RBFOX1: variants seen among roughly 807,000 people sequenced by gnomAD.
RBFOX1 encodes the protein RNA binding protein fox-1 homolog 1.
In RBFOX1, 8 loss-of-function variants were observed where a neutral mutation model predicts 57.7. The ratio of observed to expected loss-of-function variants is 0.14; its 90% confidence interval spans 0.08 to 0.25. RBFOX1 has a LOEUF of 0.25. RBFOX1 is among the 10% of genes least tolerant of loss of function. The pLI is 1.00. For synonymous variants in RBFOX1, 326 were observed against 222.4 expected, an observed-to-expected ratio of 1.47 and a Z score of -4.15; for missense variants, 611 against 548.5, an observed-to-expected ratio of 1.11 and a Z score of -1.14.
chr16:7,211,318 G>T (rs2091089187), intron 4 of RBFOX1, among the ~76,000 whole-genome samples: 1 of 151,200 alleles, frequency 6.6e-6, no homozygotes, highest in South Asian at 2.1e-4. Context: ...TGTGAACCTG[G>T]GAGGCGGAGC....
At chr16:6,009,433 A>G (rs2094946871) in intron 4 of RBFOX1, among the ~76,000 whole-genome samples, 1 of 152,142 alleles carries the variant, frequency 6.6e-6, no homozygotes, top group African/African-American at 2.4e-5. Flanking sequence ...ATTTTTCCTA[A>G]TACATTACAT....
chr16:7,220,997 C>A (rs549032184), intron 4 of RBFOX1, among the ~76,000 whole-genome samples: 59 of 152,236 alleles, frequency 3.9e-4, no homozygotes, highest in African/African-American at 1.4e-3. Context: ...TCATCGGTTT[C>A]CAACTCCAGC....
intron 1 of RBFOX1, among the ~76,000 whole-genome samples, chr16:6,311,176 A>G (rs1414384625): frequency 2.0e-5 from 3 of 151,622 alleles, no homozygotes; most frequent in Admixed American, 1.3e-4. Flanking sequence ...GGCACCTGTA[A>G]TCCCAGCTAC....
rs866072141 is a variant in RBFOX1, at chr16:6,559,281, G to C, written c.-63-95322G>C. On this transcript the variant is annotated intron_variant, in intron 2 of 15. Transcript: ENST00000550418. ...CTAATTAGACAAAACACCCAAACAG[G>C]GGTTTATTCATTCTCTCAGTCTATT... Among the ~76,000 whole-genome samples the C allele has an allele frequency of 5.3e-5, 8 of 151,942 alleles. No individual in the cohort carries two copies. The South Asian group carries it at 1.5e-3, about 28-fold the overall frequency.
intron 4 of RBFOX1, among the ~76,000 whole-genome samples, chr16:7,277,446 C>A (rs1005158774): frequency 3.9e-5 from 6 of 152,148 alleles, no homozygotes; most frequent in African/African-American, 1.4e-4. Context: ...CAGAAGAAAG[C>A]TATTCTAATA....
intron 3 of RBFOX1, among the ~76,000 whole-genome samples, chr16:5,811,451 GTAT>G (rs2055428844): frequency 9.3e-6 from 1 of 107,716 alleles, no homozygotes; most frequent in Admixed American, 9.2e-5. Context: ...CTGGAACAAA[GTAT>G]TTTTTTTTTT....
chr16:7,679,409 AAGAAAAACTTAAC>A lies in RBFOX1; in HGVS notation c.995+2582_995+2594del, dbSNP rs2074185169. On this transcript the variant is annotated intron_variant, in intron 14 of 15. Transcript: ENST00000550418. Reference sequence around the variant, plus strand: ...TCTTCTGTAGAAGACAGGCAAGATAAAGAAAAACTTAACAGAAAAACTTCGTCCAAAATAGGAA... The same window carrying A: ...TCTTCTGTAGAAGACAGGCAAGATAAAGAAAAACTTCGTCCAAAATAGGAA... 2.6e-5 allele frequency among the ~76,000 whole-genome samples: 4 copies of A among 152,340 alleles called. 1 individual carries two copies. In the South Asian group the frequency reaches 8.3e-4, roughly 32 times the overall value.
chr16:5,275,150 C>A lies in RBFOX1; in HGVS notation c.219+35045C>A, dbSNP rs577849359. On this transcript the variant is annotated intron_variant, in intron 1 of 2. Transcript: ENST00000585867. The stretch of plus-strand genomic sequence containing the variant: ...AAGGAAGAGGTACAGTGTATTCCTG[C>A]ATGTTTCTTAAAAATTTTTTTGATA... 3.3e-5 allele frequency among the ~76,000 whole-genome samples: 5 copies of A among 152,256 alleles called. No individual in the cohort carries two copies. In the East Asian group the frequency reaches 9.6e-4, roughly 29 times the overall value.
At chr16:5,580,525 C>T (rs1431276261) in intron 2 of RBFOX1, among the ~76,000 whole-genome samples, 1 of 152,214 alleles carries the variant, frequency 6.6e-6, no homozygotes. Context: ...TGCCTTAGCT[C>T]AGAGCCAGGG....
intron 4 of RBFOX1, among the ~76,000 whole-genome samples, chr16:7,094,370 C>T (rs1182651602): frequency 4.0e-5 from 6 of 151,462 alleles, no homozygotes; most frequent in East Asian, 3.9e-4. Flanking sequence ...CATTGTCTTC[C>T]ATTTATTATC....
At chr16:5,557,152 C>T (rs1368734803) in intron 2 of RBFOX1, among the ~76,000 whole-genome samples, 4 of 151,818 alleles carry the variant, frequency 2.6e-5, no homozygotes, top group South Asian at 2.1e-4. Context: ...CCCAGCTACT[C>T]AGGAGGCTGA....
At chr16:7,058,264 C>T (rs1056778258) in intron 4 of RBFOX1, among the ~76,000 whole-genome samples, 1 of 152,142 alleles carries the variant, frequency 6.6e-6, no homozygotes, top group African/African-American at 2.4e-5. Flanking sequence ...TTATGCCAAT[C>T]AGAAATGCTC....
intron 14 of RBFOX1, among the ~76,000 whole-genome samples, chr16:7,681,868 A>G (rs1231745770): frequency 6.6e-6 from 1 of 152,106 alleles, no homozygotes; most frequent in Admixed American, 6.6e-5. Flanking sequence ...GGGATTGAAA[A>G]TATTTCTAGC....
chr16:6,438,026 G>C (rs1015394792), intron 2 of RBFOX1, among the ~76,000 whole-genome samples: 2 of 152,144 alleles, frequency 1.3e-5, no homozygotes, highest in African/African-American at 4.8e-5. Flanking sequence ...GGAAAGAGTA[G>C]CTGGATTTCA....
intron 4 of RBFOX1, among the ~76,000 whole-genome samples, chr16:7,322,823 G>T (rs1017407588): frequency 1.3e-5 from 2 of 152,126 alleles, no homozygotes; most frequent in African/African-American, 4.8e-5. Context: ...CTCTTTATCT[G>T]TCCTCCTCCT....
intron 4 of RBFOX1, among the ~76,000 whole-genome samples, chr16:7,159,628 C>T (rs1022239787): frequency 2.6e-5 from 4 of 152,272 alleles, no homozygotes; most frequent in East Asian, 3.9e-4. Context: ...TCCCGCTTAT[C>T]GTGTGTGTTT....
At chr16:7,006,316 A>T (rs1460285271) in intron 3 of RBFOX1, among the ~76,000 whole-genome samples, 1 of 151,986 alleles carries the variant, frequency 6.6e-6, no homozygotes, top group East Asian at 1.9e-4. Flanking sequence ...CAGTATACCC[A>T]GCTAATTTTT....
intron 3 of RBFOX1, among the ~76,000 whole-genome samples, chr16:5,644,589 C>T (rs995923368): frequency 2.2e-4 from 33 of 152,282 alleles, no homozygotes; most frequent in African/African-American, 7.5e-4. Context: ...GATTTTGAAG[C>T]GTGTCAGGCT....
intron 3 of RBFOX1, among the ~76,000 whole-genome samples, chr16:5,815,955 C>T (rs12920834): frequency 0.65 from 98,394 of 151,966 alleles, 32,103 homozygotes; most frequent in Non-Finnish European, 0.69. Flanking sequence ...GGTTAAAATC[C>T]ATTAGGCTTG....
Sources: allele counts gnomAD v4.1 joint callset (sites outside exome capture counted in the v4.1 genomes callset), GRCh38; gene constraint gnomAD v4.1.1; transcripts MANE v1.5; gene names NCBI Gene and HGNC (gene_info 2026-07-23, HGNC 2026-07-21).